The following HHIP variants were observed in gnomAD, a reference collection of about 807,000 sequenced individuals.
The protein encoded by HHIP is hedgehog-interacting protein.
Under a neutral mutation model 74.0 loss-of-function variants are expected in HHIP, and 12 were observed. The ratio of observed to expected loss-of-function variants is 0.16; its 90% CI spans 0.10 to 0.26. The LOEUF (loss-of-function observed/expected upper bound fraction) is 0.26, where lower values mean the gene tolerates loss of function less well. HHIP is among the 10% of genes least tolerant of loss of function. HHIP has a pLI of 1.00. For synonymous variants in HHIP, 309 were observed against 311.6 expected, an observed-to-expected ratio of 0.99 and a Z score of 0.09; for missense variants, 788 against 845.0, an observed-to-expected ratio of 0.93 and a Z score of 0.84.
chr4:144,670,538 A>C (rs957326832), intron 4 of HHIP, among the ~76,000 whole-genome samples: 1 of 151,724 alleles, frequency 6.6e-6, no homozygotes, highest in South Asian at 2.1e-4. Context: ...TTTAGTTCTA[A>C]TAAGCTGTTT....
At chr4:144,706,207 A>T (rs907803982) in intron 4 of HHIP, among the ~76,000 whole-genome samples, 4 of 152,176 alleles carry the variant, frequency 2.6e-5, no homozygotes, top group African/African-American at 9.6e-5. Flanking sequence ...GCAACCTAGT[A>T]ACCCGGGAAA....
chr4:144,680,855 TC>T lies in HHIP; in HGVS notation c.831+21019del, dbSNP rs575759605. Reference sequence around the variant, plus strand: ...ACTGTCTAAGCAGGTTCAAATGTTTTCCTATTTACTTGTTTACTGTCAGGAT... The same window carrying T: ...ACTGTCTAAGCAGGTTCAAATGTTTTCTATTTACTTGTTTACTGTCAGGAT... On this transcript the variant is annotated intron_variant, in intron 4 of 12. Coordinates refer to ENST00000296575, the MANE Select transcript of HHIP (RefSeq NM_022475.3). 7.9e-5 allele frequency among the ~76,000 whole-genome samples: 12 copies of T among 152,322 alleles called. No homozygotes were observed. In the South Asian group the frequency reaches 1.9e-3, roughly 24 times the overall value.
intron 4 of HHIP, among the ~76,000 whole-genome samples, chr4:144,672,684 T>C (rs1461423357): frequency 1.3e-5 from 2 of 151,700 alleles, no homozygotes; most frequent in Admixed American, 6.6e-5. Flanking sequence ...TTTAATTTTG[T>C]ATTATTTTTT....
At chr4:144,707,040 C>A in intron 5 of HHIP, 47 bp from the exon 6 acceptor site, 1 of 1,536,552 alleles carries the variant, frequency 6.5e-7, no homozygotes, top group Non-Finnish European at 9.0e-7. Context: ...ATGGACTCAT[C>A]TTAAATCTTT....
intron 4 of HHIP, among the ~76,000 whole-genome samples, chr4:144,693,632 T>C (rs1729736590): frequency 1.3e-5 from 2 of 152,016 alleles, no homozygotes; most frequent in Non-Finnish European, 2.9e-5. Flanking sequence ...TTATAAATCC[T>C]ATTCTAATTT....
intron 4 of HHIP, among the ~76,000 whole-genome samples, chr4:144,686,140 A>G (rs1197478255): frequency 6.6e-6 from 1 of 152,198 alleles, no homozygotes; most frequent in Non-Finnish European, 1.5e-5. Context: ...GCATAAAGAG[A>G]GGTTACTCTT....
intron 11 of HHIP, among the ~76,000 whole-genome samples, chr4:144,732,121 C>T (rs1199650505): frequency 6.6e-6 from 1 of 152,084 alleles, no homozygotes; most frequent in East Asian, 1.9e-4. Context: ...TAGCCTATTC[C>T]TGAAGAGAAC....
In HHIP at chr4:144,708,323, A is replaced by G; in HGVS notation, c.1301+12A>G. The G allele has an allele frequency of 6.2e-7, 1 of 1,613,804 alleles. No individual in the cohort carries two copies. Among genetic ancestry groups the G allele is most frequent in the Non-Finnish European group, 8.5e-7 (1 of 1,179,822 alleles). On this transcript the variant is annotated intron_variant, in intron 7 of 12. Coordinates refer to ENST00000296575, the MANE Select transcript of HHIP (RefSeq NM_022475.3). ...CACGATCCAGGCAGGTGAGAACACA[A>G]GTCTGTCTTCTCACTGGCTTTTAAG... is the stretch of plus-strand genomic sequence containing the variant.
chr4:144,722,355 T>C (rs1022712257), intron 11 of HHIP, among the ~76,000 whole-genome samples: 3 of 152,180 alleles, frequency 2.0e-5, no homozygotes, highest in African/African-American at 7.2e-5. Context: ...ATCAAAAATA[T>C]ATAGAAGATG....
intron 11 of HHIP, among the ~76,000 whole-genome samples, chr4:144,731,125 T>C (rs574709505): frequency 1.3e-5 from 2 of 152,328 alleles, no homozygotes; most frequent in Admixed American, 6.5e-5. Context: ...GTGTTTATGA[T>C]ATGAAAGTAT....
chr4:144,698,465 G>T (rs1362836993), intron 4 of HHIP, among the ~76,000 whole-genome samples: 2 of 152,098 alleles, frequency 1.3e-5, no homozygotes, highest in Non-Finnish European at 2.9e-5. Flanking sequence ...CAGCCTAGGA[G>T]CAACGGGCCA....
intron 6 of HHIP, among the ~76,000 whole-genome samples, chr4:144,707,533 G>A (rs1371151559): frequency 6.6e-6 from 1 of 151,670 alleles, no homozygotes; most frequent in East Asian, 1.9e-4. Flanking sequence ...CAGTGGCCCT[G>A]TACAACCATA....
intron 4 of HHIP, among the ~76,000 whole-genome samples, chr4:144,666,248 CGTGTGTGTGTGTGTGTGT>C (rs5862718): frequency 1.7e-4 from 24 of 143,264 alleles, no homozygotes; most frequent in South Asian, 2.4e-4. Context: ...ATACTACAGT[CGTGTGTGTGTGTGTGTGT>C]GTGTGTGTGT....
chr4:144,716,892 A>G (rs534049546), intron 10 of HHIP, among the ~76,000 whole-genome samples: 7 of 148,222 alleles, frequency 4.7e-5, no homozygotes, highest in Non-Finnish European at 1.0e-4. Context: ...AAAAAAAGTA[A>G]AAGAATGGTT....
chr4:144,671,089 T>G (rs1182853357), intron 4 of HHIP, among the ~76,000 whole-genome samples: 2 of 152,186 alleles, frequency 1.3e-5, no homozygotes, highest in African/African-American at 4.8e-5. Context: ...TCTGTGATTT[T>G]TCTATGTATC....
chr4:144,701,991 A>C (rs374547920), intron 4 of HHIP, among the ~76,000 whole-genome samples: 72 of 152,228 alleles, frequency 4.7e-4, no homozygotes, highest in African/African-American at 1.7e-3. Context: ...ATGTCTGTTA[A>C]AAAAGAAAAA....
intron 4 of HHIP, among the ~76,000 whole-genome samples, chr4:144,676,612 C>T (rs1320492829): frequency 6.6e-6 from 1 of 152,118 alleles, no homozygotes; most frequent in Non-Finnish European, 1.5e-5. Context: ...GAACAAGGCC[C>T]ATCTCTGGAG....
intron 11 of HHIP, among the ~76,000 whole-genome samples, chr4:144,720,740 C>T (rs1181414437): frequency 2.6e-5 from 4 of 151,998 alleles, no homozygotes; most frequent in African/African-American, 4.8e-5. Context: ...CCAAAGAAAC[C>T]GTCCTTGTAC....
intron 4 of HHIP, among the ~76,000 whole-genome samples, chr4:144,686,000 G>A (rs968685545): frequency 1.3e-5 from 2 of 152,110 alleles, no homozygotes; most frequent in Non-Finnish European, 2.9e-5. Context: ...GGTCGAATGA[G>A]GCAAATTTCC....
Sources: gnomAD v4.1 joint callset for allele counts (sites outside exome capture counted in the v4.1 genomes callset) on GRCh38, gnomAD v4.1.1 for gene constraint, MANE v1.5 for transcripts, NCBI Gene and HGNC (gene_info 2026-07-23, HGNC 2026-07-21) for gene names.